RHOBTB1: variants seen among roughly 807,000 people sequenced by gnomAD.
RHOBTB1 encodes Rho related BTB domain containing 1.
In RHOBTB1, 40 loss-of-function variants were observed where a neutral mutation model predicts 71.6. The ratio of observed to expected loss-of-function variants is 0.56; its 90% CI spans 0.43 to 0.73. The LOEUF (loss-of-function observed/expected upper bound fraction) is 0.73, where lower values mean the gene tolerates loss of function less well. Ranked by LOEUF, RHOBTB1 falls within the 30% of genes least tolerant of loss-of-function variation. The pLI, the probability that RHOBTB1 is intolerant of heterozygous loss-of-function variation, is 0.00. For synonymous variants in RHOBTB1, 319 were observed against 334.9 expected, an observed-to-expected ratio of 0.95 and a Z score of 0.52; for missense variants, 797 against 894.0, an observed-to-expected ratio of 0.89 and a Z score of 1.38.
intron 6 of RHOBTB1, among the ~76,000 whole-genome samples, chr10:60,886,723 G>GC (rs796269571): frequency 0.012 from 1,738 of 142,408 alleles, 43 homozygotes; most frequent in African/African-American, 0.043. Flanking sequence ...GATGTGGGGG[G>GC]GGGTGGGTCT....
chr10:60,871,916 C>T, intron 10 of RHOBTB1: 1 of 604,168 alleles, frequency 1.7e-6, no homozygotes, highest in Non-Finnish European at 2.9e-6. Context: ...TCTCCCTAAA[C>T]AAGGGGAAGG....
At chr10:61,000,358 T>C (rs2087216330) in intron 1 of RHOBTB1, among the ~76,000 whole-genome samples, 1 of 151,930 alleles carries the variant, frequency 6.6e-6, no homozygotes, top group African/African-American at 2.4e-5. Context: ...TAATAAAAAA[T>C]ATATATTTTG....
In RHOBTB1 at chr10:60,956,824, G is replaced by A. The variant is rs566914368; in HGVS notation, c.-61-14970C>T. On this transcript the variant is annotated intron_variant, in intron 2 of 11. Transcript: ENST00000357917. The stretch of plus-strand genomic sequence containing the variant: ...GGGTAGCAGAGAGGCAGCTGACTCA[G>A]TATTAGAAAGCATTCCCTCCATCTA... Among the ~76,000 whole-genome samples the A allele has an allele frequency of 6.5e-4, 99 of 152,178 alleles. No homozygotes were observed. The Middle Eastern group carries it at 0.017, about 26-fold the overall frequency.
chr10:60,863,806 C>A, the RHOBTB1 span, among the ~76,000 whole-genome samples: 1,394 of 152,256 alleles, frequency 9.2e-3, 14 homozygotes, highest in Middle Eastern at 0.024. Context: ...GTGCTGGAAT[C>A]ACAGGCATGA....
intron 4 of RHOBTB1, among the ~76,000 whole-genome samples, chr10:60,899,998 T>A (rs1231299523): frequency 6.6e-6 from 1 of 152,020 alleles, no homozygotes; most frequent in Non-Finnish European, 1.5e-5. Flanking sequence ...GGGAAGAACC[T>A]AGCAGAAGAG....
At chr10:60,932,736 TA>T (rs2084335171) in intron 2 of RHOBTB1, among the ~76,000 whole-genome samples, 1 of 152,094 alleles carries the variant, frequency 6.6e-6, no homozygotes, top group African/African-American at 2.4e-5. Context: ...CACCACTCCT[TA>T]AAAATTATGT....
intron 2 of RHOBTB1, among the ~76,000 whole-genome samples, chr10:60,956,879 G>A (rs2085612925): frequency 6.6e-6 from 1 of 152,144 alleles, no homozygotes; most frequent in South Asian, 2.1e-4. Context: ...GTCAGTTACA[G>A]ATACTCAGAA....
At chr10:60,873,606 C>G (rs1428572403) in intron 9 of RHOBTB1, among the ~76,000 whole-genome samples, 1 of 152,194 alleles carries the variant, frequency 6.6e-6, no homozygotes, top group Non-Finnish European at 1.5e-5. Context: ...ATATGAAATT[C>G]TGGATCATTA....
intron 7 of RHOBTB1, among the ~76,000 whole-genome samples, chr10:60,881,592 C>T (rs2081330731): frequency 6.6e-6 from 1 of 152,128 alleles, no homozygotes; most frequent in East Asian, 1.9e-4. Context: ...ACATCTCTCA[C>T]CCTCTCTCAC....
At chr10:60,886,472 T>C (rs1319632700) in intron 6 of RHOBTB1, among the ~76,000 whole-genome samples, 2 of 152,088 alleles carry the variant, frequency 1.3e-5, no homozygotes, top group Non-Finnish European at 2.9e-5. Flanking sequence ...AACCAGAAAG[T>C]AATAGAAAGG....
intron 6 of RHOBTB1, 38 bp downstream of exon 6, chr10:60,888,174 T>C (rs2081685572): frequency 6.3e-7 from 1 of 1,579,068 alleles, no homozygotes; most frequent in Non-Finnish European, 8.6e-7. Flanking sequence ...TGAAACACAA[T>C]CAAAGGTATT....
At chr10:60,892,152 G>A (rs1304672645) in intron 5 of RHOBTB1, among the ~76,000 whole-genome samples, 1 of 152,090 alleles carries the variant, frequency 6.6e-6, no homozygotes, top group Admixed American at 6.6e-5. Flanking sequence ...CATGAGAATG[G>A]ACTAATACAC....
At chr10:60,995,052 C>T (rs71499295) in intron 1 of RHOBTB1, among the ~76,000 whole-genome samples, 214 of 152,066 alleles carry the variant, frequency 1.4e-3, no homozygotes, top group South Asian at 6.4e-3. Flanking sequence ...ACCCTGGCTG[C>T]GTACATCAAT....
chr10:60,996,682 A>G (rs1000199025), intron 1 of RHOBTB1, among the ~76,000 whole-genome samples: 10 of 152,190 alleles, frequency 6.6e-5, no homozygotes, highest in African/African-American at 1.9e-4. Context: ...ACCACCACTC[A>G]GCACCCTTAC....
At chr10:60,910,790 C>T in intron 4 of RHOBTB1, 97 bp downstream of exon 4, 1 of 818,662 alleles carries the variant, frequency 1.2e-6, no homozygotes, top group Non-Finnish European at 2.1e-6. Context: ...CATTTCAAGG[C>T]CATATGATGT....
intron 8 of RHOBTB1, among the ~76,000 whole-genome samples, chr10:60,876,468 CTGGT>C (rs2081057495): frequency 6.6e-6 from 1 of 152,092 alleles, no homozygotes; most frequent in South Asian, 2.1e-4. Context: ...TTAAGCAAAA[CTGGT>C]ACTAGTCTGA....
intron 6 of RHOBTB1, among the ~76,000 whole-genome samples, chr10:60,886,610 T>C (rs577761560): frequency 3.3e-5 from 5 of 152,288 alleles, no homozygotes; most frequent in African/African-American, 1.2e-4. Context: ...TATTTTTAAT[T>C]TACACCATTT....
At chr10:60,920,356 G>A (rs1027825172) in intron 2 of RHOBTB1, among the ~76,000 whole-genome samples, 10 of 152,120 alleles carry the variant, frequency 6.6e-5, no homozygotes, top group Non-Finnish European at 1.0e-4. Flanking sequence ...TGGATGGGAA[G>A]CCTGAAGGGC....
rs751662684 is a variant in RHOBTB1, at chr10:60,872,310, AG to A, written c.1816-21del. 4 of 1,570,496 alleles carry A rather than the reference AG, an allele frequency of 2.5e-6. No homozygotes were observed. Among genetic ancestry groups the A allele is most frequent in the Admixed American group, 1.7e-5 (1 of 59,968 alleles). The stretch of plus-strand genomic sequence containing the variant: ...GTGAAACTGCAGAAAAGTGAGCAAA[AG>A]GAGGGTAAGACTATTTTCTAAAGAG... On this transcript the variant is annotated intron_variant, in intron 9 of 10. Transcript: ENST00000337910.
Sources: gnomAD v4.1 joint callset for allele counts (sites outside exome capture counted in the v4.1 genomes callset) on GRCh38, gnomAD v4.1.1 for gene constraint, MANE v1.5 for transcripts, NCBI Gene and HGNC (gene_info 2026-07-23, HGNC 2026-07-21) for gene names.